Variants in TENM4 observed in about 807,000 individuals in gnomAD.
TENM4 encodes teneurin-4.
Under a neutral mutation model 243.3 loss-of-function variants are expected in TENM4, and 82 were observed. That is an observed-to-expected ratio of 0.34 (90% CI 0.28 to 0.40). The LOEUF (loss-of-function observed/expected upper bound fraction) is 0.40. TENM4 is among the 10% of genes least tolerant of loss of function. TENM4 has a pLI of 1.00. For synonymous variants in TENM4, 1,412 were observed against 1,456.3 expected (o/e 0.97, Z 0.69); for missense variants, 3,138 against 3,673.3 (o/e 0.85, Z 3.77).
At chr11:79,046,469 T>C (rs946502589) in intron 6 of TENM4, among the ~76,000 whole-genome samples, 3 of 152,128 alleles carry the variant, frequency 2.0e-5, no homozygotes, top group Non-Finnish European at 1.5e-5. Context: ...AACGACAAGT[T>C]GAAGTGCTGA....
intron 9 of TENM4, among the ~76,000 whole-genome samples, chr11:78,876,831 T>A (rs1859279062): frequency 6.6e-6 from 1 of 152,232 alleles, no homozygotes; most frequent in Non-Finnish European, 1.5e-5. Context: ...CTCCTTCTGC[T>A]TAATCACCTG....
chr11:78,916,074 T>C (rs989316475), intron 6 of TENM4, among the ~76,000 whole-genome samples: 60 of 152,182 alleles, frequency 3.9e-4, no homozygotes, highest in African/African-American at 1.4e-3. Flanking sequence ...CCCAGTTTCA[T>C]GCCACAAACC....
At chr11:79,431,035 C>G (rs1338196182) in intron 1 of TENM4, among the ~76,000 whole-genome samples, 1 of 152,092 alleles carries the variant, frequency 6.6e-6, no homozygotes, top group Non-Finnish European at 1.5e-5. Flanking sequence ...TGCCAATTTT[C>G]TTAGGTTAGT....
intron 6 of TENM4, among the ~76,000 whole-genome samples, chr11:78,922,580 A>G (rs533442754): frequency 2.1e-4 from 32 of 152,338 alleles, no homozygotes; most frequent in Admixed American, 5.2e-4. Context: ...ATCCTATCCA[A>G]AGGCAGATTT....
intron 3 of TENM4, among the ~76,000 whole-genome samples, chr11:79,202,453 T>C (rs1485542490): frequency 2.0e-5 from 3 of 152,186 alleles, no homozygotes; most frequent in African/African-American, 7.2e-5. Context: ...CATGAAAAAT[T>C]TGGCTCCTGC....
chr11:78,688,964 A>G (rs1462166641), intron 28 of TENM4, among the ~76,000 whole-genome samples: 1 of 152,244 alleles, frequency 6.6e-6, no homozygotes, highest in Non-Finnish European at 1.5e-5. Context: ...ACCTACCATC[A>G]TTGAACACCT....
chr11:78,930,161 G>T (rs1442141566), intron 6 of TENM4, among the ~76,000 whole-genome samples: 2 of 152,188 alleles, frequency 1.3e-5, no homozygotes, highest in Non-Finnish European at 2.9e-5. Context: ...TAAAACTTTT[G>T]TGGGTCTCAT....
At chr11:78,670,894 A>C (rs1307743949) in intron 31 of TENM4, among the ~76,000 whole-genome samples, 1 of 152,172 alleles carries the variant, frequency 6.6e-6, no homozygotes, top group Non-Finnish European at 1.5e-5. Flanking sequence ...TGTGCAGGAC[A>C]GACCTGGTTA....
At chr11:79,419,522 G>A (rs61884061) in intron 1 of TENM4, among the ~76,000 whole-genome samples, 15 of 152,200 alleles carry the variant, frequency 9.9e-5, no homozygotes, top group Non-Finnish European at 2.1e-4. Flanking sequence ...GGATGAGATG[G>A]TTAAATTAGA....
chr11:79,225,772 C>T (rs941520039), intron 2 of TENM4, among the ~76,000 whole-genome samples: 1 of 152,146 alleles, frequency 6.6e-6, no homozygotes. Context: ...CGTGAGCCAC[C>T]GTGCTCAGTC....
intron 6 of TENM4, among the ~76,000 whole-genome samples, chr11:78,976,312 A>C (rs1453317821): frequency 6.6e-6 from 1 of 152,228 alleles, no homozygotes; most frequent in Admixed American, 6.5e-5. Context: ...GCAAAAAACC[A>C]ACCAGTGGGG....
intron 2 of TENM4, among the ~76,000 whole-genome samples, chr11:79,291,152 G>A (rs977878350): frequency 6.6e-6 from 1 of 152,122 alleles, no homozygotes; most frequent in African/African-American, 2.4e-5. Flanking sequence ...ACCCCACATA[G>A]CCATGTGGAT....
intron 1 of TENM4, among the ~76,000 whole-genome samples, chr11:79,348,473 G>T (rs1289794210): frequency 6.6e-6 from 1 of 152,144 alleles, no homozygotes; most frequent in Non-Finnish European, 1.5e-5. Flanking sequence ...TGCTAGCTAT[G>T]CAATAGTTAC....
intron 6 of TENM4, among the ~76,000 whole-genome samples, chr11:79,007,252 A>G (rs1232578808): frequency 6.6e-6 from 1 of 152,194 alleles, no homozygotes; most frequent in Non-Finnish European, 1.5e-5. Context: ...TGGAGTATGG[A>G]AATATTCTGT....
At chr11:78,950,684 T>C (rs1042287235) in intron 6 of TENM4, among the ~76,000 whole-genome samples, 3 of 152,256 alleles carry the variant, frequency 2.0e-5, no homozygotes, top group Non-Finnish European at 4.4e-5. Context: ...CTGGGCACTT[T>C]GCTAAGTACT....
intron 30 of TENM4, 87 bp from the exon 31 acceptor site, chr11:78,672,416 G>A: frequency 6.9e-7 from 1 of 1,448,664 alleles, no homozygotes; most frequent in Non-Finnish European, 9.4e-7. Flanking sequence ...CAGCTCTGCT[G>A]GGAAGCTCTT....
chr11:78,829,497 G>A (rs1050818977), intron 12 of TENM4, among the ~76,000 whole-genome samples: 3 of 152,142 alleles, frequency 2.0e-5, no homozygotes, highest in Non-Finnish European at 4.4e-5. Context: ...CTCATTAATA[G>A]TAGGTAAAAT....
intron 3 of TENM4, among the ~76,000 whole-genome samples, chr11:79,171,512 T>C (rs1370874735): frequency 6.6e-6 from 1 of 152,180 alleles, no homozygotes; most frequent in African/African-American, 2.4e-5. Context: ...GATTAACCGT[T>C]GGGTTCCTTT....
At chr11:79,009,088 G>T (rs117205390) in intron 6 of TENM4, among the ~76,000 whole-genome samples, 2 of 152,190 alleles carry the variant, frequency 1.3e-5, no homozygotes, top group East Asian at 3.9e-4. Context: ...GTGCTTTCCT[G>T]TTTACTATAC....
Sources: gnomAD v4.1 joint callset for allele counts (sites outside exome capture counted in the v4.1 genomes callset) on GRCh38, gnomAD v4.1.1 for gene constraint, MANE v1.5 for transcripts, NCBI Gene and HGNC (gene_info 2026-07-23, HGNC 2026-07-21) for gene names.